MAF: variants seen among roughly 807,000 people sequenced by gnomAD.
MAF encodes MAF bZIP transcription factor, also known as transcription factor Maf.
In MAF, 10 loss-of-function variants were observed where a neutral mutation model predicts 22.0. The ratio of observed to expected loss-of-function variants is 0.45; its 90% CI spans 0.28 to 0.77. The LOEUF (loss-of-function observed/expected upper bound fraction) is 0.77, where lower values mean the gene tolerates loss of function less well. Ranked by LOEUF, MAF falls within the 30% of genes least tolerant of loss-of-function variation. The pLI is 0.12. For synonymous variants in MAF, 337 were observed against 255.8 expected, an observed-to-expected ratio of 1.32 and a Z score of -3.03; for missense variants, 544 against 548.4, an observed-to-expected ratio of 0.99 and a Z score of 0.08.
chr16:79,224,574 C>T, the MAF span, among the ~76,000 whole-genome samples: 2 of 152,304 alleles, frequency 1.3e-5, no homozygotes, highest in Non-Finnish European at 2.9e-5. Context: ...CAAATTGTCT[C>T]TGTTTACAGA....
chr16:79,372,909 G>T, the MAF span, among the ~76,000 whole-genome samples: 2 of 152,116 alleles, frequency 1.3e-5, no homozygotes, highest in African/African-American at 4.8e-5. Flanking sequence ...CCTCTTTCTA[G>T]AACATTCTTT....
the MAF span, among the ~76,000 whole-genome samples, chr16:79,412,843 A>G: frequency 2.0e-5 from 3 of 152,218 alleles, no homozygotes; most frequent in Admixed American, 2.0e-4. Flanking sequence ...ACTAGAGATA[A>G]TATGGGAGGA....
the MAF span, among the ~76,000 whole-genome samples, chr16:79,323,117 C>A: frequency 1.6e-5 from 2 of 125,942 alleles, no homozygotes; most frequent in East Asian, 2.3e-4. Context: ...CCACTGCATT[C>A]CAGCCTGGGT....
chr16:79,476,078 C>A, the MAF span, among the ~76,000 whole-genome samples: 1 of 152,204 alleles, frequency 6.6e-6, no homozygotes, highest in East Asian at 1.9e-4. Flanking sequence ...AGAATTTAAG[C>A]TTCCCCGAAC....
the MAF span, chr16:79,203,411 A>C: frequency 2.6e-5 from 4 of 152,220 alleles, no homozygotes; most frequent in Non-Finnish European, 5.9e-5. Flanking sequence ...GAATTATTGC[A>C]AAGTACATCC....
chr16:79,549,212 C>A, the MAF span, among the ~76,000 whole-genome samples: 1 of 151,478 alleles, frequency 6.6e-6, no homozygotes, highest in East Asian at 1.9e-4. Context: ...AGTGGCATTT[C>A]CTGAGCAGTC....
chr16:79,466,814 T>C, the MAF span, among the ~76,000 whole-genome samples: 3 of 152,216 alleles, frequency 2.0e-5, no homozygotes, highest in Non-Finnish European at 1.5e-5. Flanking sequence ...AGATCCATTA[T>C]TACTCATGTT....
At chr16:79,531,574 G>A in the MAF span, among the ~76,000 whole-genome samples, 1 of 152,228 alleles carries the variant, frequency 6.6e-6, no homozygotes, top group East Asian at 1.9e-4. Context: ...GGGAGACTGT[G>A]ACAGATCATC....
At chr16:79,522,106 G>A in the MAF span, among the ~76,000 whole-genome samples, 1 of 152,080 alleles carries the variant, frequency 6.6e-6, no homozygotes. Flanking sequence ...CAGCATCCTG[G>A]GGTGGACAGA....
chr16:79,512,468 A>AAGG, the MAF span, among the ~76,000 whole-genome samples: 3 of 152,244 alleles, frequency 2.0e-5, no homozygotes, highest in African/African-American at 7.2e-5. Flanking sequence ...AGATGTGATC[A>AAGG]GCTTGGGTTT....
chr16:79,225,920 C>T, the MAF span, among the ~76,000 whole-genome samples: 2 of 152,296 alleles, frequency 1.3e-5, no homozygotes, highest in East Asian at 3.9e-4. Context: ...AACACTTTTA[C>T]ACTGTTGGTG....
chr16:79,565,002 G>A, the MAF span, among the ~76,000 whole-genome samples: 2 of 152,264 alleles, frequency 1.3e-5, no homozygotes, highest in Middle Eastern at 3.4e-3. Context: ...CTTGAGAATG[G>A]TGGAGCTGGG....
intron 1 of MAF, chr16:79,594,879 C>A: frequency 8.3e-7 from 1 of 1,211,196 alleles, no homozygotes; most frequent in African/African-American, 1.5e-5. Context: ...AGTTTGGGGG[C>A]CCAAACCTGC....
the MAF span, among the ~76,000 whole-genome samples, chr16:79,509,676 A>G: frequency 3.3e-5 from 5 of 152,220 alleles, no homozygotes; most frequent in Admixed American, 6.5e-5. Flanking sequence ...TAATTCATTC[A>G]CAGTGGGGGC....
At chr16:79,357,252 TCACAACAACAACAACAA>T in the MAF span, among the ~76,000 whole-genome samples, 2 of 111,346 alleles carry the variant, frequency 1.8e-5, no homozygotes, top group East Asian at 4.9e-4. Context: ...CAAGACTCTG[TCACAACAACAACAACAA>T]CAACAACAAC....
At chr16:79,571,040 C>T in the MAF span, among the ~76,000 whole-genome samples, 8 of 150,698 alleles carry the variant, frequency 5.3e-5, no homozygotes, top group Admixed American at 4.0e-4. Context: ...CCCAAAGTCA[C>T]AAAGCTAGAA....
chr16:79,535,295 C>G, the MAF span, among the ~76,000 whole-genome samples: 7 of 151,796 alleles, frequency 4.6e-5, no homozygotes, highest in Non-Finnish European at 7.4e-5. Context: ...TTTTCTGATA[C>G]TATCATCTTA....
the MAF span, among the ~76,000 whole-genome samples, chr16:79,250,649 G>C: frequency 1.3e-5 from 2 of 152,266 alleles, no homozygotes; most frequent in East Asian, 1.9e-4. Flanking sequence ...TGAGCACCAG[G>C]TCTGAGGCTC....
the MAF span, among the ~76,000 whole-genome samples, chr16:79,338,116 T>C: frequency 6.6e-6 from 1 of 152,136 alleles, no homozygotes; most frequent in African/African-American, 2.4e-5. Context: ...AATTCTAGTC[T>C]AGTGGTGTAG....
Sources: allele counts gnomAD v4.1 joint callset (sites outside exome capture counted in the v4.1 genomes callset), GRCh38; gene constraint gnomAD v4.1.1; transcripts MANE v1.5; gene names NCBI Gene and HGNC (gene_info 2026-07-23, HGNC 2026-07-21).